The following PTPRD variants were observed in gnomAD, a reference collection of about 807,000 sequenced individuals.
The protein encoded by PTPRD is protein tyrosine phosphatase receptor type D, also known as receptor-type tyrosine-protein phosphatase delta.
In PTPRD, 34 loss-of-function variants were observed where a neutral mutation model predicts 214.5. That is an observed-to-expected ratio of 0.16 (90% CI 0.12 to 0.21). PTPRD has a LOEUF of 0.21. PTPRD is among the 10% of genes least tolerant of loss of function. The probability of loss-of-function intolerance (pLI) is 1.00; values close to 1 mark genes in which losing one functional copy is unlikely to be tolerated. For missense variants in PTPRD, 2,545 were observed against 2,398.7 expected, an observed-to-expected ratio of 1.06 and a Z score of -1.27; for synonymous variants, 1,128 against 845.7, an observed-to-expected ratio of 1.33 and a Z score of -5.79.
chr9:8,323,640 G>A (rs1487167257), intron 44 of PTPRD, among the ~76,000 whole-genome samples: 1 of 152,172 alleles, frequency 6.6e-6, no homozygotes, highest in African/African-American at 2.4e-5. Flanking sequence ...AGTGGAGCCA[G>A]GAGATGGGAC....
At chr9:10,202,671 G>GATATATATATAT (rs77962535) in intron 3 of PTPRD, among the ~76,000 whole-genome samples, 3,643 of 112,854 alleles carry the variant, frequency 0.032, 148 homozygotes, top group East Asian at 0.049. Flanking sequence ...AAATTATATG[G>GATATATATATAT]ATATATATAT....
chr9:8,499,700 C>T lies in PTPRD; in HGVS notation c.2269G>A (p.Gly757Ser). Residue 757 changes from glycine (G) to serine (S), a missense_variant, in exon 25 of 46, where the codon GGT becomes AGT. By Grantham distance (56) the Gly-to-Ser change is moderately conservative. Coordinates refer to ENST00000381196, the MANE Select transcript of PTPRD (RefSeq NM_002839.4). Reference protein sequence around the residue: ...YQVHYVRMENGEPKGQPMLKD... With the variant: ...YQVHYVRMENSEPKGQPMLKD... ...AGCATGGGCTGGCCCTTGGGCTCAC[C>T]ATTTTCCATCCTCACATAATGCACC... 4 of 1,614,070 alleles carry T rather than the reference C, an allele frequency of 2.5e-6. No homozygotes were observed. Among genetic ancestry groups the T allele is most frequent in the Non-Finnish European group, 3.4e-6 (4 of 1,179,966 alleles).
rs930751245 is a variant in PTPRD, at chr9:9,846,314, T to C, written c.-367-79463A>G. On this transcript the variant is annotated intron_variant, in intron 5 of 45. Coordinates refer to ENST00000381196, the MANE Select transcript of PTPRD (RefSeq NM_002839.4). Reference sequence around the variant, plus strand: ...AATCAAAATTACTTGTCATCTCCAATGCTATGCTCAGTTTTCACAAAATTT... The same window carrying C: ...AATCAAAATTACTTGTCATCTCCAACGCTATGCTCAGTTTTCACAAAATTT... Among the ~76,000 whole-genome samples the C allele has an allele frequency of 4.6e-5, 7 of 152,064 alleles. No homozygotes were observed. The East Asian group carries it at 1.2e-3, about 25-fold the overall frequency.
At chr9:8,423,515 T>A (rs1446064140) in intron 35 of PTPRD, among the ~76,000 whole-genome samples, 2 of 152,154 alleles carry the variant, frequency 1.3e-5, no homozygotes, top group South Asian at 4.1e-4. Context: ...GTTTTTAGAA[T>A]CTTAAAGGTG....
intron 9 of PTPRD, among the ~76,000 whole-genome samples, chr9:9,221,468 T>A (rs987113296): frequency 6.6e-6 from 1 of 152,038 alleles, no homozygotes; most frequent in African/African-American, 2.4e-5. Flanking sequence ...CAGAAATATA[T>A]TACCTCACAT....
intron 11 of PTPRD, among the ~76,000 whole-genome samples, chr9:8,921,453 A>G (rs2098827253): frequency 6.6e-6 from 1 of 151,880 alleles, no homozygotes; most frequent in South Asian, 2.1e-4. Flanking sequence ...GAGCATGAGG[A>G]TGTGGGGCTT....
At position 10,292,163 on chromosome 9, in the gene PTPRD, A is replaced by T. The variant is rs944676095; in HGVS notation, c.-545+48800T>A. 4.6e-5 allele frequency among the ~76,000 whole-genome samples: 7 copies of T among 152,184 alleles called. No homozygotes were observed. The South Asian group carries it at 1.5e-3, about 32-fold the overall frequency. ...ATCCTGAAAGCTATCCTCATAAAAG[A>T]CAGCACATTTTCAATTGCCCAAGTA... On this transcript the variant is annotated intron_variant, in intron 3 of 45. Coordinates refer to ENST00000381196, the MANE Select transcript of PTPRD (RefSeq NM_002839.4).
intron 5 of PTPRD, among the ~76,000 whole-genome samples, chr9:9,901,062 CACCTAGCTTCTGGAA>C: frequency 6.6e-6 from 1 of 152,188 alleles, no homozygotes; most frequent in East Asian, 1.9e-4. Flanking sequence ...CACCAGCATC[CACCTAGCTTCTGGAA>C]AGTCTTCAGA....
chr9:10,159,144 G>A (rs2099111849), intron 3 of PTPRD, among the ~76,000 whole-genome samples: 1 of 151,512 alleles, frequency 6.6e-6, no homozygotes, highest in Non-Finnish European at 1.5e-5. Flanking sequence ...TGGGCTTAAG[G>A]TACCATCTAC....
At chr9:10,455,550 A>C (rs933413300) in intron 2 of PTPRD, among the ~76,000 whole-genome samples, 3 of 151,568 alleles carry the variant, frequency 2.0e-5, no homozygotes, top group African/African-American at 4.8e-5. Flanking sequence ...CATCACCCAC[A>C]TTATTTTGCT....
intron 9 of PTPRD, among the ~76,000 whole-genome samples, chr9:9,236,560 T>C (rs890283556): frequency 3.4e-5 from 5 of 148,416 alleles, no homozygotes; most frequent in Admixed American, 6.7e-5. Flanking sequence ...ATTCCCTTTT[T>C]CTAAATCTAG....
At chr9:10,504,375 A>AAC (rs1441281434) in intron 2 of PTPRD, among the ~76,000 whole-genome samples, 1 of 152,086 alleles carries the variant, frequency 6.6e-6, no homozygotes, top group African/African-American at 2.4e-5. Flanking sequence ...CAAGTGACAG[A>AAC]ACACTTCGGT....
chr9:10,291,282 G>C (rs1043175993), intron 3 of PTPRD, among the ~76,000 whole-genome samples: 42 of 152,188 alleles, frequency 2.8e-4, no homozygotes, highest in Admixed American at 2.3e-3. Context: ...ACCAGATGCA[G>C]AGGCAAAGTA....
intron 7 of PTPRD, among the ~76,000 whole-genome samples, chr9:9,691,798 T>C (rs1245936071): frequency 2.0e-5 from 3 of 152,006 alleles, no homozygotes; most frequent in Admixed American, 2.0e-4. Context: ...TTATTGCCTG[T>C]CTTTGGACAA....
At chr9:10,488,912 GA>G (rs760797517) in intron 2 of PTPRD, among the ~76,000 whole-genome samples, 1 of 152,136 alleles carries the variant, frequency 6.6e-6, no homozygotes, top group African/African-American at 2.4e-5. Context: ...CCAAGTCCTA[GA>G]ATCAAGGACC....
chr9:8,823,176 GC>G (rs1214536977), intron 11 of PTPRD, among the ~76,000 whole-genome samples: 1 of 151,936 alleles, frequency 6.6e-6, no homozygotes, highest in Non-Finnish European at 1.5e-5. Flanking sequence ...TACCACTTGG[GC>G]CTGTTCTTTC....
chr9:10,132,947 T>C (rs2098909297), intron 3 of PTPRD, among the ~76,000 whole-genome samples: 2 of 66,466 alleles, frequency 3.0e-5, no homozygotes, highest in Admixed American at 1.7e-4. Flanking sequence ...GATATGTCAC[T>C]TCCAAGATTG....
intron 11 of PTPRD, among the ~76,000 whole-genome samples, chr9:8,906,892 G>A (rs567118899): frequency 1.8e-4 from 27 of 152,202 alleles, no homozygotes; most frequent in Admixed American, 6.5e-4. Context: ...CTCACACAAA[G>A]GCAGAGGAGA....
rs1263381144 is a variant in PTPRD, at chr9:8,321,485, GTGTA to G, written c.5535-1523_5535-1520del. 2.9e-3 allele frequency among the ~76,000 whole-genome samples: 130 copies of G among 45,356 alleles called. 1 individual carries two copies. The highest frequency in any genetic ancestry group is 3.2e-3 in the African/African-American group (25 of 7,802). 29.8% of individuals were successfully genotyped at this position (45,356 alleles called of 152,430 possible). A position where few individuals can be genotyped will look rare whatever the true frequency, so the allele number is the denominator to read the frequency against. On this transcript the variant is annotated intron_variant, in intron 44 of 45. Coordinates refer to ENST00000381196, the MANE Select transcript of PTPRD (RefSeq NM_002839.4). ...TTTGTGTGTGTGTGTGTGTGTGTGT[GTGTA>G]TATATATATATATATATATATATAT...
Sources: allele counts gnomAD v4.1 joint callset (sites outside exome capture counted in the v4.1 genomes callset), GRCh38; gene constraint gnomAD v4.1.1; transcripts MANE v1.5; gene names NCBI Gene and HGNC (gene_info 2026-07-23, HGNC 2026-07-21).